Variants in DSP observed in about 807,000 individuals in gnomAD.
DSP encodes 250/210 kDa paraneoplastic pemphigus antigen.
In DSP, 114 loss-of-function variants were observed where a neutral mutation model predicts 290.6. The observed-to-expected ratio is 0.39, with a 90% confidence interval of 0.34 to 0.46. The LOEUF (loss-of-function observed/expected upper bound fraction) is 0.46, where lower values mean the gene tolerates loss of function less well. Among genes scored for constraint, DSP ranks in the 20% least tolerant of loss-of-function variants. The probability of loss-of-function intolerance (pLI) is 0.99; values close to 1 mark genes in which losing one functional copy is unlikely to be tolerated. For missense variants in DSP, 3,230 were observed against 3,495.8 expected, an observed-to-expected ratio of 0.92 and a Z score of 1.92; for synonymous variants, 1,311 against 1,316.4, an observed-to-expected ratio of 1.00 and a Z score of 0.09.
chr6:7,548,394 G>C (rs903044414), intron 1 of DSP, among the ~76,000 whole-genome samples: 11 of 152,204 alleles, frequency 7.2e-5, no homozygotes, highest in African/African-American at 2.7e-4. Context: ...CCCCAGGAGG[G>C]GGGTGTTCTA....
In DSP at chr6:7,584,541, C is replaced by T. The variant is rs555784793; in HGVS notation, c.7279C>T (p.Leu2427=). ...CAACACTGAAGAAAATCTTACCTAT[C>T]TGCAACTAAAAGAAAGATGCATTAA... ...DPNTEENLTY[L]QLKERCIKDE... The change falls in exon 24 of 24, where the codon CTG becomes TTG. Residue 2427 remains leucine, a synonymous_variant. Transcript: ENST00000379802. The surrounding 1 kb of genome is among the most constrained non-coding windows in gnomAD (Gnocchi z 6.4). 2 of 1,614,046 alleles carry T rather than the reference C, an allele frequency of 1.2e-6. No individual in the cohort carries two copies. The highest frequency in any genetic ancestry group is 1.3e-5 in the African/African-American group (1 of 75,050).
chr6:7,563,313 C>CTTTTTTTTTT (rs70978990), intron 5 of DSP, among the ~76,000 whole-genome samples: 1 of 138,988 alleles, frequency 7.2e-6, no homozygotes, highest in Non-Finnish European at 1.6e-5. Flanking sequence ...AATCACTAAA[C>CTTTTTTTTTT]TTTTTTTTTT....
chr6:7,578,408 T>G, intron 21 of DSP, 56 bp from the exon 22 acceptor site: 1 of 1,457,084 alleles, frequency 6.9e-7, no homozygotes, highest in Non-Finnish European at 9.6e-7. Flanking sequence ...TCAAATTACA[T>G]AGGACTTTTT....
intron 4 of DSP, 147 bp from the exon 5 acceptor site, chr6:7,562,505 G>A: frequency 1.4e-6 from 2 of 1,428,894 alleles, no homozygotes; most frequent in East Asian, 2.4e-5. Flanking sequence ...AGCCATTTGG[G>A]AACCTTTAAA....
chr6:7,552,711 C>T (rs1758381685), intron 1 of DSP, among the ~76,000 whole-genome samples: 1 of 147,858 alleles, frequency 6.8e-6, no homozygotes, highest in Non-Finnish European at 1.5e-5. Context: ...GGAAGGCAGG[C>T]AAGGTGTCTT....
At chr6:7,562,862 C>T in intron 5 of DSP, 82 bp downstream of exon 5, 1 of 1,585,732 alleles carries the variant, frequency 6.3e-7, no homozygotes, top group Non-Finnish European at 8.6e-7. Context: ...GGAGTTTCTT[C>T]TGAAACATTG....
intron 8 of DSP, among the ~76,000 whole-genome samples, chr6:7,566,840 C>G (rs1444476031): frequency 6.6e-6 from 1 of 152,312 alleles, no homozygotes; most frequent in South Asian, 2.1e-4. Context: ...TGACCGCTGC[C>G]CTAGACTGCC....
chr6:7,567,328 A>G (rs1170083943), intron 8 of DSP, 26 bp from the exon 9 acceptor site: 1 of 1,599,990 alleles, frequency 6.3e-7, no homozygotes, highest in Non-Finnish European at 8.6e-7. Flanking sequence ...AGCTAGGCTA[A>G]GACAGCTGAC....
In DSP at chr6:7,563,712, T is replaced by C. The variant is rs2113666811; in HGVS notation, c.727-24T>C. 3 of 1,604,848 alleles carry C rather than the reference T, an allele frequency of 1.9e-6. No homozygotes were observed. The East Asian group carries it at 6.7e-5, about 36-fold the overall frequency. ...TACAATCCACAAGGGGATTTATATC[T>C]ACCTGCTTTTTGTTGTCTTCTAGCG... On this transcript the variant is annotated intron_variant, in intron 5 of 23. Coordinates refer to ENST00000379802, the MANE Select transcript of DSP (RefSeq NM_004415.4).
At chr6:7,572,437 TAGACAG>T (rs1759084468) in intron 15 of DSP, among the ~76,000 whole-genome samples, 1 of 152,176 alleles carries the variant, frequency 6.6e-6, no homozygotes, top group Non-Finnish European at 1.5e-5. Context: ...CTCAAAGCCA[TAGACAG>T]AGTGTGACTA....
rs1180365740 is a variant in DSP, at chr6:7,582,308, G to A, written c.5380-334G>A. The stretch of plus-strand genomic sequence containing the variant: ...TCTAGCTGTAACAGGTGAGATGTAG[G>A]TGTAGCAGGTATGATAACCTGAAAC... On this transcript the variant is annotated intron_variant, in intron 23 of 23. Transcript: ENST00000379802. The surrounding 1 kb of genome is among the most constrained non-coding windows in gnomAD (Gnocchi z 4.2). 6.7e-6 allele frequency among the ~76,000 whole-genome samples: 1 copy of A among 150,320 alleles called. No individual in the cohort carries two copies. The highest frequency in any genetic ancestry group is 6.6e-5 in the Admixed American group (1 of 15,084).
In DSP at chr6:7,574,126, A is replaced by C. The variant is rs757299922; in HGVS notation, c.2171A>C (p.Asn724Thr). Reference sequence around the variant, plus strand: ...TCACAAGCAATTGCTGAGGTTCTCAACCAGCTTAAAGATATGCTTGCCAAC... The same window carrying C: ...TCACAAGCAATTGCTGAGGTTCTCACCCAGCTTAAAGATATGCTTGCCAAC... The part of the protein sequence containing the change: ...NDSQAIAEVL[N>T]QLKDMLANFR... The change falls in exon 16 of 24, where the codon AAC (asparagine) becomes ACC (threonine). Residue 724 changes from asparagine (N) to threonine (T), a missense_variant. This residue lies in a region of DSP where 1,714 missense variants were observed against 1,844.5 expected (regional missense o/e 0.93). Coordinates refer to ENST00000379802, the MANE Select transcript of DSP (RefSeq NM_004415.4). The C allele has an allele frequency of 1.9e-6, 3 of 1,614,000 alleles. No individual in the cohort carries two copies. In the African/African-American group the frequency reaches 4.0e-5, roughly 22 times the overall value.
Position 7,586,182 on chromosome 6 carries a change from T to G in DSP, c.*304T>G, listed in dbSNP as rs1262935522. 3.4e-6 allele frequency: 1 copy of G among 290,990 alleles called. No homozygotes were observed. The highest frequency in any genetic ancestry group is 2.2e-5 in the African/African-American group (1 of 45,318). The allele number at this position is 290,990 out of a possible 1,614,324, so 18.0% of individuals were successfully genotyped here. A position where few individuals can be genotyped will look rare whatever the true frequency, so the allele number is the denominator to read the frequency against. On this transcript the variant is annotated 3_prime_UTR_variant, in exon 24 of 24. Coordinates refer to ENST00000379802, the MANE Select transcript of DSP (RefSeq NM_004415.4). ...TTCTGTGTTTCGATTTTTGATCAAT[T>G]CTTTAATTTTGGAAGCCTATAATAC...
intron 10 of DSP, 31 bp downstream of exon 10, chr6:7,567,937 T>C: frequency 6.2e-7 from 1 of 1,611,398 alleles, no homozygotes; most frequent in Non-Finnish European, 8.5e-7. Context: ...CCTCAGCAGC[T>C]GTGCCTGATC....
intron 4 of DSP, among the ~76,000 whole-genome samples, chr6:7,559,705 C>T (rs553746793): frequency 4.6e-5 from 7 of 152,124 alleles, no homozygotes; most frequent in African/African-American, 9.6e-5. Context: ...TATTGACCAC[C>T]GGAAAGATCT....
At position 7,558,083 on chromosome 6, in the gene DSP, T is replaced by A. The variant is rs373630744; in HGVS notation, c.274-33T>A. ...CATGAAGGTTTTCTTCCTGGTAGTA[T>A]GTGTTTTCCTTCATGTGAGTGTTTT... is the stretch of plus-strand genomic sequence containing the variant. On this transcript the variant is annotated intron_variant, in intron 2 of 23. Coordinates refer to ENST00000379802, the MANE Select transcript of DSP (RefSeq NM_004415.4). 34 of 1,613,820 alleles carry A rather than the reference T, an allele frequency of 2.1e-5. No individual in the cohort carries two copies. In the African/African-American group the frequency reaches 4.1e-4, roughly 20 times the overall value.
chr6:7,561,409 C>T (rs773077465), intron 4 of DSP, among the ~76,000 whole-genome samples: 1 of 152,162 alleles, frequency 6.6e-6, no homozygotes, highest in African/African-American at 2.4e-5. Context: ...ATCGCTTGTT[C>T]CCCTGCATGC....
intron 4 of DSP, among the ~76,000 whole-genome samples, chr6:7,561,235 A>G (rs1348285275): frequency 6.6e-6 from 1 of 152,156 alleles, no homozygotes; most frequent in Non-Finnish European, 1.5e-5. Context: ...TACAGGTGTG[A>G]GCCACCACGC....
rs754666224 is a variant in DSP, at chr6:7,559,391, G to A, written c.588G>A (p.Arg196=). Residue 196 remains arginine, a synonymous_variant, in exon 4 of 24, where the codon AGG becomes AGA. Transcript: ENST00000379802. The part of the protein sequence containing the change: ...HVTSECLGWM[R]QQRAEMDMVA... ...CCAGTGAATGTTTGGGGTGGATGAGGCAGCAAAGGGTAAGCAGCTTCTTGA... is the reference window on the plus strand; with the variant it reads ...CCAGTGAATGTTTGGGGTGGATGAGACAGCAAAGGGTAAGCAGCTTCTTGA... 4 of 1,612,554 alleles carry A rather than the reference G, an allele frequency of 2.5e-6. No homozygotes were observed. The highest frequency in any genetic ancestry group is 2.5e-6 in the Non-Finnish European group (3 of 1,179,990).
Sources: gnomAD v4.1 joint callset for allele counts (sites outside exome capture counted in the v4.1 genomes callset) on GRCh38, gnomAD v4.1.1 for gene constraint, gnomAD v4.1.1 regional missense constraint, Gnocchi (gnomAD v3.1) non-coding constraint, MANE v1.5 for transcripts, NCBI Gene and HGNC (gene_info 2026-07-23, HGNC 2026-07-21) for gene names.